Variants in AK7 observed in about 807,000 individuals in gnomAD.
AK7 encodes adenylate kinase 7, also known as ATP-AMP transphosphorylase 7.
A neutral mutation model predicts 96.6 loss-of-function variants in AK7; 78 were observed. The ratio of observed to expected loss-of-function variants is 0.81; its 90% CI spans 0.67 to 0.97. The LOEUF (loss-of-function observed/expected upper bound fraction) is 0.97, where lower values mean the gene tolerates loss of function less well. AK7 is among the 50% of genes least tolerant of loss of function. The probability of loss-of-function intolerance (pLI) is 0.00; values close to 1 mark genes in which losing one functional copy is unlikely to be tolerated. For synonymous variants in AK7, 302 were observed against 317.2 expected (o/e 0.95, Z 0.51); for missense variants, 855 against 887.9 (o/e 0.96, Z 0.47).
intron 10 of AK7, 89 bp from the exon 11 acceptor site, chr14:96,456,258 A>G: frequency 1.9e-6 from 2 of 1,071,148 alleles, no homozygotes; most frequent in Non-Finnish European, 2.5e-6. Context: ...AAAAAAAAAA[A>G]AAAGCACTCC....
intron 10 of AK7, among the ~76,000 whole-genome samples, chr14:96,454,504 G>A (rs962779889): frequency 6.6e-6 from 1 of 151,756 alleles, no homozygotes; most frequent in Admixed American, 6.6e-5. Context: ...TTGAGACAGG[G>A]TGTTGCTCTG....
intron 5 of AK7, among the ~76,000 whole-genome samples, chr14:96,434,538 C>G (rs1162232333): frequency 2.0e-5 from 3 of 152,128 alleles, no homozygotes; most frequent in Admixed American, 2.0e-4. Flanking sequence ...CTGGGTCAGA[C>G]CTGAAGCCAG....
At chr14:96,457,982 A>G (rs1428069510) in intron 11 of AK7, 101 bp from the exon 12 acceptor site, 4 of 1,536,098 alleles carry the variant, frequency 2.6e-6, no homozygotes, top group Admixed American at 1.8e-5. Context: ...TACCTGTCCT[A>G]TTTGGATCCC....
intron 2 of AK7, among the ~76,000 whole-genome samples, chr14:96,401,626 G>A (rs1361843533): frequency 2.0e-5 from 3 of 152,176 alleles, no homozygotes; most frequent in Admixed American, 1.3e-4. Flanking sequence ...GAGAGTGCTC[G>A]CTTCAGCGGC....
At chr14:96,415,187 G>A (rs1036938242) in intron 4 of AK7, among the ~76,000 whole-genome samples, 9 of 152,078 alleles carry the variant, frequency 5.9e-5, no homozygotes, top group African/African-American at 1.9e-4. Flanking sequence ...GGGCATGGTT[G>A]CTCACACCTG....
Position 96,392,228 on chromosome 14 carries a change from T to A in AK7, c.74T>A (p.Leu25Ter). 6.2e-7 allele frequency: 1 copy of A among 1,613,454 alleles called. No homozygotes were observed. Among genetic ancestry groups the A allele is most frequent in the Non-Finnish European group, 8.5e-7 (1 of 1,179,444 alleles). The stretch of plus-strand genomic sequence containing the variant: ...ACCCAGAGGGTGTTTATAAACCTGT[T>A]GGATTCCTACAGCAGCGGAAACATC... ...IRTQRVFINL[L>*]DSYSSGNIGK... is the part of the protein sequence containing the mutation. Residue 25 changes from leucine (L) to a stop codon, truncating the protein, a stop_gained, in exon 1 of 18, where the codon TTG becomes TAG. Coordinates refer to ENST00000267584, the MANE Select transcript of AK7 (RefSeq NM_152327.5). LOFTEE classifies it high-confidence loss of function.
intron 6 of AK7, 120 bp downstream of exon 6, chr14:96,438,035 G>T: frequency 1.4e-6 from 1 of 708,692 alleles, no homozygotes. Flanking sequence ...AGAAGATGAA[G>T]GCAAGTATGG....
At chr14:96,432,978 A>G (rs2140071894) in intron 5 of AK7, among the ~76,000 whole-genome samples, 1 of 152,274 alleles carries the variant, frequency 6.6e-6, no homozygotes. Context: ...TGGGCGACAG[A>G]ATGATGTTGA....
intron 9 of AK7, among the ~76,000 whole-genome samples, chr14:96,450,919 C>T (rs548011455): frequency 1.5e-3 from 233 of 151,928 alleles, no homozygotes; most frequent in African/African-American, 4.8e-3. Context: ...GGACTACGGG[C>T]GCCTGCCACC....
At chr14:96,472,527 A>C (rs979108185) in intron 13 of AK7, among the ~76,000 whole-genome samples, 160 bp from the exon 14 acceptor site, 3 of 152,228 alleles carry the variant, frequency 2.0e-5, no homozygotes, top group Non-Finnish European at 2.9e-5. Flanking sequence ...CCATGCATCT[A>C]TCAATGTACA....
intron 10 of AK7, 116 bp downstream of exon 10, chr14:96,451,686 A>C: frequency 8.8e-7 from 1 of 1,137,724 alleles, no homozygotes; most frequent in Non-Finnish European, 1.1e-6. Flanking sequence ...TTCTAATTTC[A>C]AGTTTTTCAA....
chr14:96,442,687 C>T lies in AK7; in HGVS notation c.691-43C>T, dbSNP rs761625542. ...TTATGTGTGAGCTGTAATAGCCATC[C>T]ACATATAACTGGGGGACATGATTTT... On this transcript the variant is annotated intron_variant, in intron 6 of 17. Transcript: ENST00000267584. 408 of 1,456,500 alleles carry T rather than the reference C, an allele frequency of 2.8e-4. 2 individuals carry two copies. Among genetic ancestry groups the T allele is most frequent in the Non-Finnish European group, 4.8e-5 (50 of 1,036,436 alleles). The allele number at this position is 1,456,500 out of a possible 1,614,324, so 90.2% of individuals were successfully genotyped here. A position where few individuals can be genotyped will look rare whatever the true frequency, so the allele number is the denominator to read the frequency against.
intron 2 of AK7, among the ~76,000 whole-genome samples, chr14:96,404,168 A>C (rs1021146964): frequency 1.3e-5 from 2 of 151,454 alleles, no homozygotes; most frequent in South Asian, 2.1e-4. Flanking sequence ...AAAAAAAAAA[A>C]AAAAACACCA....
intron 4 of AK7, among the ~76,000 whole-genome samples, chr14:96,417,755 C>T (rs946769482): frequency 6.6e-6 from 1 of 152,186 alleles, no homozygotes; most frequent in Admixed American, 6.5e-5. Context: ...AGTACCACCT[C>T]AGCCATTTTG....
Position 96,464,301 on chromosome 14 carries a change from A to G in AK7, c.1357+6089A>G, listed in dbSNP as rs565334733. 2.0e-5 allele frequency among the ~76,000 whole-genome samples: 3 copies of G among 152,212 alleles called. No homozygotes were observed. In the East Asian group the frequency reaches 5.8e-4, roughly 29 times the overall value. On this transcript the variant is annotated intron_variant, in intron 12 of 17. Coordinates refer to ENST00000267584, the MANE Select transcript of AK7 (RefSeq NM_152327.5). Reference sequence around the variant, plus strand: ...GCCAGGCGCAGTGGCTCACACCAGCACTTTGAGAGGCCAAGGTGGGAGGAT... The same window carrying G: ...GCCAGGCGCAGTGGCTCACACCAGCGCTTTGAGAGGCCAAGGTGGGAGGAT...
rs1890602145 is a variant in AK7 at position 96,404,655 on chromosome 14, C to T, written c.295-102C>T. On this transcript the variant is annotated intron_variant, in intron 2 of 17. Transcript: ENST00000267584. ...TCCTGCAAGTGTTTCCTGTGGGACT[C>T]CTCAGTGTAGCATATGTATTTTGAA... The T allele has an allele frequency of 6.2e-6, 4 of 644,130 alleles. No homozygotes were observed. In the Admixed American group the frequency reaches 7.1e-5, roughly 11 times the overall value. 39.9% of individuals were successfully genotyped at this position (644,130 alleles called of 1,614,324 possible). A position where few individuals can be genotyped will look rare whatever the true frequency, so the allele number is the denominator to read the frequency against.
intron 4 of AK7, among the ~76,000 whole-genome samples, chr14:96,416,773 A>G (rs563751783): frequency 1.8e-4 from 28 of 152,208 alleles, no homozygotes; most frequent in Non-Finnish European, 3.5e-4. Context: ...TTTAAGGACT[A>G]AAGGGAACAC....
In AK7 at chr14:96,420,888, G is replaced by T; in HGVS notation, c.565G>T (p.Asp189Tyr). 6.2e-7 allele frequency: 1 copy of T among 1,613,438 alleles called. No individual in the cohort carries two copies. The highest frequency in any genetic ancestry group is 1.1e-5 in the South Asian group (1 of 91,012). ...RRRKSHPNFL[D>Y]HINAEKMVLK... ...AAGAAAGTCTCATCCTAATTTTCTGGACCACATAAATGCTGAAAAAATGGT... is the reference window on the plus strand; with the variant it reads ...AAGAAAGTCTCATCCTAATTTTCTGTACCACATAAATGCTGAAAAAATGGT... The change falls in exon 5 of 18, where the codon GAC becomes TAC. Residue 189 changes from aspartate to tyrosine, a missense_variant. Transcript: ENST00000267584.
At chr14:96,393,346 C>CG (rs1889865749) in intron 1 of AK7, among the ~76,000 whole-genome samples, 2 of 152,326 alleles carry the variant, frequency 1.3e-5, no homozygotes, top group Admixed American at 1.3e-4. Flanking sequence ...GGCTACAGTA[C>CG]GTACAATCTG....
Sources: gnomAD v4.1 joint callset for allele counts (sites outside exome capture counted in the v4.1 genomes callset) on GRCh38, gnomAD v4.1.1 for gene constraint, MANE v1.5 for transcripts, NCBI Gene and HGNC (gene_info 2026-07-23, HGNC 2026-07-21) for gene names.